The following CDC42SE2 variants were observed in gnomAD, a reference collection of about 807,000 sequenced individuals.
CDC42SE2 encodes CDC42 small effector protein 2.
In CDC42SE2, 3 loss-of-function variants were observed where a neutral mutation model predicts 11.5. The ratio of observed to expected loss-of-function variants is 0.26; its 90% CI spans 0.12 to 0.67. The LOEUF (loss-of-function observed/expected upper bound fraction) is 0.67, where lower values mean the gene tolerates loss of function less well. Among genes scored for constraint, CDC42SE2 ranks in the 30% least tolerant of loss-of-function variants. The probability of loss-of-function intolerance (pLI) is 0.80; values close to 1 mark genes in which losing one functional copy is unlikely to be tolerated. For synonymous variants in CDC42SE2, 33 were observed against 34.8 expected, an observed-to-expected ratio of 0.95 and a Z score of 0.18; for missense variants, 82 against 106.8, an observed-to-expected ratio of 0.77 and a Z score of 1.02.
chr5:131,236,906 A>G, the CDC42SE2 span, among the ~76,000 whole-genome samples: 3 of 152,206 alleles, frequency 2.0e-5, no homozygotes. Flanking sequence ...TGCCCAAACC[A>G]CATTACCCTA....
chr5:131,271,286 T>C (rs762638311), intron 1 of CDC42SE2, among the ~76,000 whole-genome samples: 1 of 152,162 alleles, frequency 6.6e-6, no homozygotes, highest in Non-Finnish European at 1.5e-5. Flanking sequence ...CACTGGGGTC[T>C]CAGCATCCTG....
At chr5:131,238,341 C>A in the CDC42SE2 span, among the ~76,000 whole-genome samples, 1 of 151,642 alleles carries the variant, frequency 6.6e-6, no homozygotes, top group African/African-American at 2.4e-5. Context: ...ACTAAAACTA[C>A]GAAAACAAAA....
At chr5:131,349,962 C>A (rs1758962980) in intron 2 of CDC42SE2, among the ~76,000 whole-genome samples, 1 of 151,680 alleles carries the variant, frequency 6.6e-6, no homozygotes, top group South Asian at 2.1e-4. Context: ...TTTGTGAAAA[C>A]AAAAAACTTG....
chr5:131,226,163 C>A, the CDC42SE2 span, among the ~76,000 whole-genome samples: 2 of 152,186 alleles, frequency 1.3e-5, no homozygotes, highest in Non-Finnish European at 2.9e-5. Context: ...GAAGTAGTAA[C>A]CAGAAACGAT....
chr5:131,384,756 GC>G (rs1750426377), intron 3 of CDC42SE2, among the ~76,000 whole-genome samples: 1 of 151,944 alleles, frequency 6.6e-6, no homozygotes. Context: ...GGAAAATGGG[GC>G]TCAGCACCCC....
intron 1 of CDC42SE2, among the ~76,000 whole-genome samples, chr5:131,287,275 G>T (rs556142347): frequency 5.3e-5 from 8 of 152,148 alleles, no homozygotes. Flanking sequence ...GATTACAGGC[G>T]TGAGTCACCT....
At chr5:131,218,642 T>A in the CDC42SE2 span, among the ~76,000 whole-genome samples, 2 of 152,148 alleles carry the variant, frequency 1.3e-5, no homozygotes, top group Non-Finnish European at 1.5e-5. Flanking sequence ...AAAGAGTAAA[T>A]GATATATTCA....
chr5:131,356,627 A>T (rs1749556418), intron 2 of CDC42SE2, among the ~76,000 whole-genome samples: 1 of 152,196 alleles, frequency 6.6e-6, no homozygotes. Context: ...AATAGAAGTT[A>T]TTGTACTTTA....
chr5:131,291,853 C>G (rs1757463717), intron 1 of CDC42SE2, among the ~76,000 whole-genome samples: 1 of 152,094 alleles, frequency 6.6e-6, no homozygotes, highest in Admixed American at 6.6e-5. Flanking sequence ...TCATAATAGA[C>G]AAGGTTGTAC....
chr5:131,328,834 G>T (rs558238630), intron 2 of CDC42SE2, among the ~76,000 whole-genome samples: 1 of 152,344 alleles, frequency 6.6e-6, no homozygotes, highest in East Asian at 1.9e-4. Context: ...AGGTCAAATA[G>T]CCGCCACCTG....
upstream of CDC42SE2, among the ~76,000 whole-genome samples, chr5:131,243,479 G>A (rs760368103): frequency 3.3e-5 from 5 of 152,144 alleles, no homozygotes; most frequent in African/African-American, 7.2e-5. Flanking sequence ...CCAGCTACTC[G>A]GGAGGCTAAG....
At chr5:131,219,710 C>A in the CDC42SE2 span, among the ~76,000 whole-genome samples, 1 of 152,098 alleles carries the variant, frequency 6.6e-6, no homozygotes, top group Non-Finnish European at 1.5e-5. Context: ...GAAGAGACAG[C>A]CAAATCGCTT....
chr5:131,331,482 T>C (rs1758418632), intron 2 of CDC42SE2, among the ~76,000 whole-genome samples: 1 of 152,220 alleles, frequency 6.6e-6, no homozygotes, highest in Non-Finnish European at 1.5e-5. Context: ...GGTTCATCAT[T>C]TCCAAAGTAA....
chr5:131,245,875 A>G (rs1169753635), intron 1 of CDC42SE2, among the ~76,000 whole-genome samples: 3 of 152,136 alleles, frequency 2.0e-5, no homozygotes, highest in African/African-American at 7.2e-5. Flanking sequence ...TATATAGTCT[A>G]TTTTACAGTC....
chr5:131,243,606 A>G (rs1756557390), upstream of CDC42SE2, among the ~76,000 whole-genome samples: 1 of 152,152 alleles, frequency 6.6e-6, no homozygotes, highest in Non-Finnish European at 1.5e-5. Context: ...AAGTAAAATA[A>G]TTTTTAAACA....
At chr5:131,245,835 T>G (rs746482098) in intron 1 of CDC42SE2, among the ~76,000 whole-genome samples, 32 of 152,270 alleles carry the variant, frequency 2.1e-4, no homozygotes, top group Non-Finnish European at 3.4e-4. Flanking sequence ...ACCATAAACT[T>G]GACTTTTATT....
intron 3 of CDC42SE2, among the ~76,000 whole-genome samples, chr5:131,370,769 A>G (rs1206847869): frequency 3.9e-5 from 6 of 152,206 alleles, no homozygotes; most frequent in African/African-American, 1.4e-4. Context: ...AATGATTAAA[A>G]TGGCCAAAGA....
At chr5:131,348,851 C>T (rs955420158) in intron 2 of CDC42SE2, among the ~76,000 whole-genome samples, 1 of 152,192 alleles carries the variant, frequency 6.6e-6, no homozygotes, top group East Asian at 1.9e-4. Context: ...CTACACCCAT[C>T]TGATCTTTGA....
At chr5:131,242,529 A>G (rs1756548160), upstream of CDC42SE2, among the ~76,000 whole-genome samples, 1 of 152,096 alleles carries the variant, frequency 6.6e-6, no homozygotes, top group Non-Finnish European at 1.5e-5. Flanking sequence ...CTTTTTATTC[A>G]TCAAATGGGT....
Sources: allele counts gnomAD v4.1 joint callset (sites outside exome capture counted in the v4.1 genomes callset), GRCh38; gene constraint gnomAD v4.1.1; transcripts MANE v1.5; gene names NCBI Gene and HGNC (gene_info 2026-07-23, HGNC 2026-07-21).